FAT3: variants seen among roughly 807,000 people sequenced by gnomAD.
The protein encoded by FAT3 is FAT atypical cadherin 3, also known as protocadherin Fat 3.
In FAT3, 95 loss-of-function variants were observed where a neutral mutation model predicts 310.2. That is an observed-to-expected ratio of 0.31 (90% confidence interval 0.26 to 0.36). The LOEUF (loss-of-function observed/expected upper bound fraction) is 0.36. Ranked by LOEUF, FAT3 falls within the 10% of genes least tolerant of loss-of-function variation. The pLI is 1.00. For missense variants in FAT3, 5,408 were observed against 5,715.6 expected (o/e 0.95, Z 1.74); for synonymous variants, 2,314 against 2,192.9 (o/e 1.06, Z -1.54).
chr11:92,834,251 T>C (rs1948340184), intron 14 of FAT3, among the ~76,000 whole-genome samples: 3 of 152,212 alleles, frequency 2.0e-5, no homozygotes, highest in Admixed American at 1.3e-4. Flanking sequence ...TCTTCTGTAG[T>C]TGTGGGCACT....
At chr11:92,685,764 C>A (rs2135872570) in intron 3 of FAT3, among the ~76,000 whole-genome samples, 1 of 151,914 alleles carries the variant, frequency 6.6e-6, no homozygotes, top group Non-Finnish European at 1.5e-5. Flanking sequence ...AATATGGTTG[C>A]CCTGGAGAAG....
intron 1 of FAT3, among the ~76,000 whole-genome samples, chr11:92,341,988 T>G (rs776246214): frequency 2.0e-5 from 3 of 152,178 alleles, no homozygotes; most frequent in Non-Finnish European, 2.9e-5. Flanking sequence ...GTTTTCATTG[T>G]CTACCTACCA....
At chr11:92,850,725 G>A (rs1391415693) in intron 19 of FAT3, among the ~76,000 whole-genome samples, 1 of 152,198 alleles carries the variant, frequency 6.6e-6, no homozygotes. Context: ...GCTTAAAGTG[G>A]CAGCATAATA....
At chr11:92,750,715 C>G (rs369674678) in intron 4 of FAT3, among the ~76,000 whole-genome samples, 2 of 152,004 alleles carry the variant, frequency 1.3e-5, no homozygotes, top group African/African-American at 2.4e-5. Flanking sequence ...TAGCATGGAA[C>G]GTTAGCATGC....
At chr11:92,257,714 CTCGA>C (rs981690190) in intron 1 of FAT3, among the ~76,000 whole-genome samples, 13 of 152,024 alleles carry the variant, frequency 8.6e-5, no homozygotes, top group Non-Finnish European at 1.6e-4. Context: ...AATTACATAA[CTCGA>C]TTTGTCCCTT....
At chr11:92,826,999 T>C (rs895311659) in intron 13 of FAT3, among the ~76,000 whole-genome samples, 1 of 152,232 alleles carries the variant, frequency 6.6e-6, no homozygotes, top group Non-Finnish European at 1.5e-5. Flanking sequence ...TCAGTGTATA[T>C]GCTGTGTTGG....
chr11:92,569,718 G>C (rs1174569089), intron 3 of FAT3, among the ~76,000 whole-genome samples: 1 of 152,082 alleles, frequency 6.6e-6, no homozygotes, highest in Non-Finnish European at 1.5e-5. Flanking sequence ...AATGTAGTGG[G>C]AACCCCACTG....
chr11:92,415,890 G>A (rs1441540287), intron 2 of FAT3, among the ~76,000 whole-genome samples: 1 of 114,600 alleles, frequency 8.7e-6, no homozygotes, highest in African/African-American at 3.6e-5. Context: ...TTAGGTGTCT[G>A]TGTAGCCTAG....
intron 2 of FAT3, chr11:92,408,039 C>T (rs528163232): frequency 6.6e-6 from 1 of 152,184 alleles, no homozygotes; most frequent in East Asian, 1.9e-4. Flanking sequence ...GTGGCTTAAA[C>T]AACAAACCTT....
At chr11:92,449,700 C>A (rs547985751) in intron 2 of FAT3, among the ~76,000 whole-genome samples, 1 of 152,108 alleles carries the variant, frequency 6.6e-6, no homozygotes, top group Non-Finnish European at 1.5e-5. Context: ...TTAATACAGT[C>A]TTTGTACTTA....
intron 3 of FAT3, among the ~76,000 whole-genome samples, chr11:92,599,435 T>C (rs914218626): frequency 6.6e-6 from 1 of 152,114 alleles, no homozygotes; most frequent in South Asian, 2.1e-4. Flanking sequence ...ACTAGGTTCC[T>C]CCCACGACAT....
At chr11:92,347,912 A>T (rs1948458642) in intron 1 of FAT3, among the ~76,000 whole-genome samples, 1 of 152,184 alleles carries the variant, frequency 6.6e-6, no homozygotes, top group Admixed American at 6.5e-5. Flanking sequence ...ATACTGTATC[A>T]TATTGGCTTC....
chr11:92,794,548 T>C (rs1437987664), intron 9 of FAT3, among the ~76,000 whole-genome samples: 3 of 152,232 alleles, frequency 2.0e-5, no homozygotes, highest in Admixed American at 6.5e-5. Flanking sequence ...AGTTTGGAGT[T>C]TCTTAAGGAG....
chr11:92,261,245 A>G (rs555693826), intron 1 of FAT3, among the ~76,000 whole-genome samples: 1 of 152,210 alleles, frequency 6.6e-6, no homozygotes, highest in South Asian at 2.1e-4. Context: ...AAAGCCATCT[A>G]CTGAGCTTAC....
intron 1 of FAT3, among the ~76,000 whole-genome samples, chr11:92,315,479 GTATATATATATATA>G (rs1168085335): frequency 1.5e-4 from 10 of 65,190 alleles, no homozygotes; most frequent in African/African-American, 3.9e-4. Context: ...GTGTGTGTGT[GTATATATATATATA>G]TATATATATA....
At chr11:92,752,151 T>C (rs555919356) in intron 4 of FAT3, among the ~76,000 whole-genome samples, 53 of 152,376 alleles carry the variant, frequency 3.5e-4, no homozygotes, top group Non-Finnish European at 6.3e-4. Flanking sequence ...ACCATGCCTT[T>C]GTAGCAGGAA....
At position 92,315,024 on chromosome 11, in the gene FAT3, G is replaced by A. The variant is rs190841018; in HGVS notation, c.-17-37072G>A. ...TTTACTCCTAAATATACATACAGCA[G>A]TTTAATTACAACCTTCACGGGCTTC... On this transcript the variant is annotated intron_variant, in intron 1 of 27. Coordinates refer to ENST00000525166, the MANE Select transcript of FAT3 (RefSeq NM_001367949.2). Among the ~76,000 whole-genome samples the A allele has an allele frequency of 4.2e-3, 636 of 152,038 alleles. 3 individuals are homozygous for A. Among genetic ancestry groups the A allele is most frequent in the Non-Finnish European group, 7.0e-3 (476 of 67,982 alleles).
At chr11:92,569,845 G>A (rs973372385) in intron 3 of FAT3, among the ~76,000 whole-genome samples, 1 of 152,118 alleles carries the variant, frequency 6.6e-6, no homozygotes, top group East Asian at 1.9e-4. Flanking sequence ...CACCATCTCA[G>A]TGGCTCATCT....
intron 2 of FAT3, among the ~76,000 whole-genome samples, chr11:92,486,486 C>T (rs1038303424): frequency 9.2e-5 from 14 of 151,826 alleles, no homozygotes; most frequent in African/African-American, 2.9e-4. Context: ...GATTTCATTT[C>T]GTTCATTTAT....
Sources: gnomAD v4.1 joint callset for allele counts (sites outside exome capture counted in the v4.1 genomes callset) on GRCh38, gnomAD v4.1.1 for gene constraint, MANE v1.5 for transcripts, NCBI Gene and HGNC (gene_info 2026-07-23, HGNC 2026-07-21) for gene names.